Variants in SYNM observed in about 807,000 individuals in gnomAD.
SYNM encodes desmuslin.
In SYNM, 95 loss-of-function variants were observed where a neutral mutation model predicts 104.0. That is an observed-to-expected ratio of 0.91 (90% CI 0.77 to 1.08). The LOEUF is 1.08. Ranked by LOEUF, SYNM falls within the 50% of genes least tolerant of loss-of-function variation. The probability of loss-of-function intolerance (pLI) is 0.00; values close to 1 mark genes in which losing one functional copy is unlikely to be tolerated. For synonymous variants in SYNM, 918 were observed against 869.0 expected (o/e 1.06, Z -0.99); for missense variants, 2,150 against 2,052.2 (o/e 1.05, Z -0.92).
downstream of SYNM, chr15:99,136,285 T>C (rs911829631): frequency 2.0e-5 from 3 of 152,266 alleles, no homozygotes; most frequent in Admixed American, 2.0e-4. Context: ...GTTTTTGTGA[T>C]TCCAAGCTAC....
chr15:99,125,783 A>T (rs1289163813), intron 2 of SYNM, among the ~76,000 whole-genome samples: 1 of 152,122 alleles, frequency 6.6e-6, no homozygotes, highest in Non-Finnish European at 1.5e-5. Context: ...TAGTGACTTC[A>T]CATGTTGCTC....
intron 1 of SYNM, among the ~76,000 whole-genome samples, chr15:99,110,672 A>G (rs1208096531): frequency 6.6e-6 from 1 of 152,214 alleles, no homozygotes; most frequent in Non-Finnish European, 1.5e-5. Flanking sequence ...AAGTTTGGCT[A>G]AGAGAAAATT....
At chr15:99,128,856 A>G (rs2067471157) in intron 3 of SYNM, 1 of 155,362 alleles carries the variant, frequency 6.4e-6, no homozygotes, top group Non-Finnish European at 1.4e-5. Context: ...ATTCTTTAAT[A>G]CTTGTTGGCC....
chr15:99,120,257 C>T (rs2067387681), intron 2 of SYNM, among the ~76,000 whole-genome samples: 1 of 152,160 alleles, frequency 6.6e-6, no homozygotes, highest in African/African-American at 2.4e-5. Flanking sequence ...TGGACCTAGT[C>T]CCTGTCCTCA....
At chr15:99,127,679 AG>A (rs2067460063) in intron 3 of SYNM, among the ~76,000 whole-genome samples, 1 of 152,334 alleles carries the variant, frequency 6.6e-6, no homozygotes, top group South Asian at 2.1e-4. Context: ...TTTGAGAGTA[AG>A]TTTGAAAAAA....
intron 1 of SYNM, among the ~76,000 whole-genome samples, chr15:99,106,565 C>G (rs1462855636): frequency 6.6e-6 from 1 of 152,242 alleles, no homozygotes; most frequent in Admixed American, 6.5e-5. Context: ...GGGGCAGCAA[C>G]CCTCATGCAG....
chr15:99,135,551 G>A lies in SYNM; in HGVS notation c.*2493G>A, dbSNP rs1484083582. On this transcript the variant is annotated 3_prime_UTR_variant, in exon 4 of 4. Transcript: ENST00000336292. ...ACTCCTGTTCCCTACAATGGGAAATGTCACAAGAATGTGCAAAAATAAAAA... is the reference window on the plus strand; with the variant it reads ...ACTCCTGTTCCCTACAATGGGAAATATCACAAGAATGTGCAAAAATAAAAA... 1.3e-5 allele frequency: 2 copies of A among 152,594 alleles called. No homozygotes were observed. Among genetic ancestry groups the A allele is most frequent in the African/African-American group, 4.8e-5 (2 of 41,434 alleles). The allele number at this position is 152,594 out of a possible 1,614,324, so 9.5% of individuals were successfully genotyped here.
rs1555485804 is a variant in SYNM at position 99,131,259 on chromosome 15, G to A, written c.2899G>A (p.Glu967Lys). The A allele has an allele frequency of 1.9e-6, 3 of 1,610,988 alleles. No homozygotes were observed. The highest frequency in any genetic ancestry group is 2.5e-6 in the Non-Finnish European group (3 of 1,178,930). Residue 967 changes from glutamate (E) to lysine (K), a missense_variant, in exon 4 of 4, where the codon GAG becomes AAG. Transcript: ENST00000336292. The surrounding 1 kb of genome is among the most constrained non-coding windows in gnomAD (Gnocchi z 4.3). ...AACCCTTCCCGAGCGCATGAGGGAG[G>A]AGCTGTCCGCCCTCACCAGAGAGGG... ...EETLPERMRE[E>K]LSALTREGQG...
chr15:99,130,641 C>T lies in SYNM; in HGVS notation c.2281C>T (p.Pro761Ser). The T allele has an allele frequency of 1.2e-6, 2 of 1,613,482 alleles. No individual in the cohort carries two copies. The highest frequency in any genetic ancestry group is 1.1e-5 in the South Asian group (1 of 90,998). Residue 761 changes from proline (P) to serine (S), a missense_variant, in exon 4 of 4, where the codon CCG becomes TCG. Pro to Ser is a moderately conservative substitution (Grantham distance 74). Coordinates refer to ENST00000336292, the MANE Select transcript of SYNM (RefSeq NM_145728.3). Reference sequence around the variant, plus strand: ...CGTGAGTTATGTCAGCGGGGAGAAGCCGGAGGAGTTTTCCGTCCCATTCAA... The same window carrying T: ...CGTGAGTTATGTCAGCGGGGAGAAGTCGGAGGAGTTTTCCGTCCCATTCAA... Reference protein sequence around the residue: ...EPVSYVSGEKPEEFSVPFKVE... With the variant: ...EPVSYVSGEKSEEFSVPFKVE...
chr15:99,118,097 G>A (rs1555484136), intron 2 of SYNM, among the ~76,000 whole-genome samples: 2 of 152,286 alleles, frequency 1.3e-5, no homozygotes, highest in South Asian at 2.1e-4. Flanking sequence ...GGGTAGGATC[G>A]CTGCAGGCCT....
At position 99,130,517 on chromosome 15, in the gene SYNM, C is replaced by T; in HGVS notation, c.2157C>T (p.Gly719=). 1 of 1,613,894 alleles carries T rather than the reference C, an allele frequency of 6.2e-7. No homozygotes were observed. Among genetic ancestry groups the T allele is most frequent in the Non-Finnish European group, 8.5e-7 (1 of 1,179,876 alleles). Residue 719 remains glycine (G), a synonymous_variant, in exon 4 of 4, where the codon GGC becomes GGT. Transcript: ENST00000336292. ...ATATTAAGGAAGTGGGGCTGAAAGG[C>T]AAGTCAGCCGAGCAGATGATAGGAG... is the stretch of plus-strand genomic sequence containing the variant. ...SKDIKEVGLK[G]KSAEQMIGDI...
In SYNM at chr15:99,131,243, C is replaced by G; in HGVS notation, c.2883C>G (p.Pro961=). The G allele has an allele frequency of 6.2e-7, 1 of 1,609,424 alleles. No individual in the cohort carries two copies. The highest frequency in any genetic ancestry group is 8.5e-7 in the Non-Finnish European group (1 of 1,178,210). ...EVIGQLEETL[P]ERMREELSAL... is the part of the protein sequence containing the mutation. ...TCGGGCAGCTGGAGGAAACCCTTCC[C>G]GAGCGCATGAGGGAGGAGCTGTCCG... Residue 961 remains proline, a synonymous_variant, in exon 4 of 4, where the codon CCC becomes CCG. Coordinates refer to ENST00000336292, the MANE Select transcript of SYNM (RefSeq NM_145728.3). The surrounding 1 kb of genome is among the most constrained non-coding windows in gnomAD (Gnocchi z 4.3).
intron 1 of SYNM, among the ~76,000 whole-genome samples, chr15:99,107,081 C>A (rs781886386): frequency 2.0e-5 from 3 of 152,200 alleles, no homozygotes; most frequent in Non-Finnish European, 4.4e-5. Context: ...CCTAGACTTT[C>A]AGTATGCAAA....
In SYNM at chr15:99,107,095, C is replaced by G. The variant is rs745853734; in HGVS notation, c.810+1086C>G. Among the ~76,000 whole-genome samples the G allele has an allele frequency of 1.7e-4, 26 of 152,228 alleles. 2 individuals carry two copies. The highest frequency in any genetic ancestry group is 1.5e-5 in the Non-Finnish European group (1 of 68,044). Reference sequence around the variant, plus strand: ...CCCTAGACTTTCAGTATGCAAAGAGCTACAGGCTAGATGGGAAATCATAGA... The same window carrying G: ...CCCTAGACTTTCAGTATGCAAAGAGGTACAGGCTAGATGGGAAATCATAGA... On this transcript the variant is annotated intron_variant, in intron 1 of 3. Coordinates refer to ENST00000336292, the MANE Select transcript of SYNM (RefSeq NM_145728.3).
chr15:99,109,447 A>C (rs2067280709), intron 1 of SYNM, among the ~76,000 whole-genome samples: 1 of 152,186 alleles, frequency 6.6e-6, no homozygotes, highest in Non-Finnish European at 1.5e-5. Context: ...CAAGCCCCCA[A>C]AACATGATTG....
chr15:99,138,244 G>C, downstream of SYNM: 1 of 1,212,910 alleles, frequency 8.2e-7, no homozygotes, highest in Non-Finnish European at 1.2e-6. Flanking sequence ...ACTTGGTAGG[G>C]GCTATAAATG....
rs1227249011 is a variant in SYNM, at chr15:99,131,325, G to T, written c.2965G>T (p.Val989Phe). Reference sequence around the variant, plus strand: ...GAGCGTTTCCGTGGATGTCAAGAAGGTCCAGGGTGCTGGTGGCAGTTCCGT... The same window carrying T: ...GAGCGTTTCCGTGGATGTCAAGAAGTTCCAGGGTGCTGGTGGCAGTTCCGT... ...PGSVSVDVKK[V>F]QGAGGSSVTL... Residue 989 changes from valine to phenylalanine, a missense_variant, in exon 4 of 4, where the codon GTC becomes TTC. Val to Phe is a conservative substitution (Grantham distance 50). Coordinates refer to ENST00000336292, the MANE Select transcript of SYNM (RefSeq NM_145728.3). This position sits in a 1 kb window ranked among gnomAD's most constrained non-coding sequence, Gnocchi z 4.3. The T allele has an allele frequency of 3.7e-6, 6 of 1,613,218 alleles. No homozygotes were observed. The highest frequency in any genetic ancestry group is 5.1e-6 in the Non-Finnish European group (6 of 1,179,732).
intron 2 of SYNM, among the ~76,000 whole-genome samples, chr15:99,123,870 G>C (rs2067424131): frequency 6.6e-6 from 1 of 152,250 alleles, no homozygotes; most frequent in Non-Finnish European, 1.5e-5. Context: ...AATTCCATTA[G>C]GATAATCTAT....
intron 2 of SYNM, among the ~76,000 whole-genome samples, chr15:99,115,783 A>G (rs532712181): frequency 6.0e-4 from 91 of 152,302 alleles, no homozygotes; most frequent in Non-Finnish European, 1.2e-3. Context: ...TTTTTGCTCT[A>G]AGAATATCAA....
Sources: allele counts gnomAD v4.1 joint callset (sites outside exome capture counted in the v4.1 genomes callset), GRCh38; gene constraint gnomAD v4.1.1; non-coding constraint Gnocchi (gnomAD v3.1); transcripts MANE v1.5; gene names NCBI Gene and HGNC (gene_info 2026-07-23, HGNC 2026-07-21).